NSD2: variants seen among roughly 807,000 people sequenced by gnomAD.
NSD2 encodes the protein nuclear receptor binding SET domain protein 2.
A neutral mutation model predicts 139.0 loss-of-function variants in NSD2; 12 were observed. The observed-to-expected ratio is 0.09, with a 90% CI of 0.06 to 0.14. The LOEUF (loss-of-function observed/expected upper bound fraction) is 0.14. Among genes scored for constraint, NSD2 ranks in the 10% least tolerant of loss-of-function variants. The probability of loss-of-function intolerance (pLI) is 1.00; values close to 1 mark genes in which losing one functional copy is unlikely to be tolerated. For synonymous variants in NSD2, 669 were observed against 648.7 expected (o/e 1.03, Z -0.48); for missense variants, 1,155 against 1,745.0 (o/e 0.66, Z 6.02).
chr4:1,966,876 G>A (rs796387210), intron 18 of NSD2, among the ~76,000 whole-genome samples: 7 of 152,172 alleles, frequency 4.6e-5, no homozygotes, highest in African/African-American at 1.2e-4. Context: ...GATGGGGACA[G>A]AGCTGTAAAG....
chr4:1,960,786 G>C (rs1221324186), intron 17 of NSD2, among the ~76,000 whole-genome samples: 1 of 152,252 alleles, frequency 6.6e-6, no homozygotes, highest in Non-Finnish European at 1.5e-5. Flanking sequence ...ACAAGGTCGT[G>C]TAGGAAGCAA....
chr4:1,937,373 C>T (rs28530624), intron 7 of NSD2, among the ~76,000 whole-genome samples: 14,184 of 152,020 alleles, frequency 0.093, 2,063 homozygotes, highest in African/African-American at 0.31. Context: ...TCTATTAAAG[C>T]AGCCCTTTGC....
chr4:1,919,315 A>G (rs903571391), intron 5 of NSD2: 1 of 152,172 alleles, frequency 6.6e-6, no homozygotes, highest in African/African-American at 2.4e-5. Context: ...AGTGCAGGAT[A>G]TGCTCATCTG....
At chr4:1,923,919 C>A (rs1455222868) in intron 5 of NSD2, among the ~76,000 whole-genome samples, 1 of 152,096 alleles carries the variant, frequency 6.6e-6, no homozygotes, top group Non-Finnish European at 1.5e-5. Context: ...GGCCACATAC[C>A]CACAACTGAG....
chr4:1,954,144 C>T (rs184266972), intron 12 of NSD2, among the ~76,000 whole-genome samples: 18 of 152,226 alleles, frequency 1.2e-4, no homozygotes, highest in Admixed American at 1.3e-4. Flanking sequence ...GCCACCATAC[C>T]TACCTAATTT....
At chr4:1,946,062 C>T in intron 9 of NSD2, 3 of 1,032,652 alleles carry the variant, frequency 2.9e-6, no homozygotes, top group South Asian at 9.2e-5. Flanking sequence ...AGATTCATCA[C>T]CTTAGTTTTT....
chr4:1,954,639 G>C (rs1168507882), intron 12 of NSD2: 1 of 153,036 alleles, frequency 6.5e-6, no homozygotes, highest in Non-Finnish European at 1.5e-5. Flanking sequence ...ACAGGCATGA[G>C]CCACCACACC....
At chr4:1,898,393 G>C (rs953973249) in intron 1 of NSD2, among the ~76,000 whole-genome samples, 1 of 152,160 alleles carries the variant, frequency 6.6e-6, no homozygotes, top group Non-Finnish European at 1.5e-5. Context: ...GGCCAGGTGC[G>C]GTGGCTCACG....
intron 9 of NSD2, chr4:1,940,895 A>T: frequency 1.9e-6 from 2 of 1,057,408 alleles, no homozygotes; most frequent in Non-Finnish European, 2.3e-6. Flanking sequence ...TGCCACTCTG[A>T]ATCCTCAGCG....
rs764735851 is a variant in NSD2 at position 1,904,279 on chromosome 4, A to C, written c.661A>C (p.Asn221His). 2 of 1,614,180 alleles carry C rather than the reference A, an allele frequency of 1.2e-6. No individual in the cohort carries two copies. The highest frequency in any genetic ancestry group is 1.7e-6 in the Non-Finnish European group (2 of 1,180,016). Residue 221 changes from asparagine to histidine, a missense_variant, in exon 3 of 22, where the codon AAC becomes CAC. Physicochemically the swap from Asn to His is moderately conservative, Grantham distance 68. Coordinates refer to ENST00000508803, the MANE Select transcript of NSD2 (RefSeq NM_001042424.3). ...AGACAAAGACCACCTGTTGAAATAC[A>C]ACGTTGGTGATTTGGTGTGGTCCAA... ...GRDKDHLLKY[N>H]VGDLVWSKVS...
intron 6 of NSD2, among the ~76,000 whole-genome samples, chr4:1,933,365 C>A (rs527915149): frequency 1.3e-5 from 2 of 152,334 alleles, no homozygotes; most frequent in African/African-American, 4.8e-5. Flanking sequence ...CAGCGTCCTT[C>A]AGGGCAACAG....
At chr4:1,975,220 C>T in intron 19 of NSD2, 74 bp from the exon 20 acceptor site, 1 of 1,483,750 alleles carries the variant, frequency 6.7e-7, no homozygotes, top group Non-Finnish European at 9.4e-7. Context: ...TTTTGTTGAC[C>T]TAATACACGC....
At chr4:1,927,566 A>G (rs1220558584) in intron 5 of NSD2, among the ~76,000 whole-genome samples, 1 of 151,754 alleles carries the variant, frequency 6.6e-6, no homozygotes, top group Non-Finnish European at 1.5e-5. Context: ...TAAAAATACA[A>G]AAAGTAGCCA....
At position 1,903,807 on chromosome 4, in the gene NSD2, T is replaced by C. The variant is rs377493814; in HGVS notation, c.598-409T>C. ...TGGAGTGCAGTGGCGTGATCTCGGC[T>C]CACTGCAAGCTCCGCCTCCCGGGTT... On this transcript the variant is annotated intron_variant, in intron 2 of 21. Transcript: ENST00000508803. Among the ~76,000 whole-genome samples the C allele has an allele frequency of 1.1e-4, 17 of 150,438 alleles. No homozygotes were observed. In the East Asian group the frequency reaches 2.2e-3, roughly 19 times the overall value.
chr4:1,946,642 C>A (rs1259686981), intron 9 of NSD2: 15 of 1,034,356 alleles, frequency 1.5e-5, no homozygotes, highest in Non-Finnish European at 1.4e-5. Context: ...TGGTTTTGAT[C>A]CCTTTGGGTA....
chr4:1,957,450 A>AT (rs57804419), intron 15 of NSD2, among the ~76,000 whole-genome samples: 6,763 of 135,580 alleles, frequency 0.05, 315 homozygotes, highest in African/African-American at 0.12. Context: ...TGCCTGGCTA[A>AT]TTTTTTTTTT....
chr4:1,952,343 C>G (rs1724359449), intron 11 of NSD2, 112 bp downstream of exon 11: 1 of 1,482,626 alleles, frequency 6.7e-7, no homozygotes. Flanking sequence ...CCCTCCCCAC[C>G]CCCACCGCCT....
At position 1,927,460 on chromosome 4, in the gene NSD2, G is replaced by T. The variant is rs570346572; in HGVS notation, c.1411-3166G>T. Among the ~76,000 whole-genome samples, 72 of 152,170 alleles carry T rather than the reference G, an allele frequency of 4.7e-4. 1 individual carries two copies. The highest frequency in any genetic ancestry group is 1.7e-3 in the African/African-American group (70 of 41,532). On this transcript the variant is annotated intron_variant, in intron 5 of 21. Coordinates refer to ENST00000508803, the MANE Select transcript of NSD2 (RefSeq NM_001042424.3). ...GAGCACAGTGCAGTGCCTCATGCCT[G>T]TAATCCCAGCACTTTGGGAGGCCAT... is the stretch of plus-strand genomic sequence containing the variant.
At chr4:1,929,008 G>T (rs1266072385) in intron 5 of NSD2, among the ~76,000 whole-genome samples, 2 of 152,088 alleles carry the variant, frequency 1.3e-5, no homozygotes, top group Non-Finnish European at 2.9e-5. Flanking sequence ...AGGGAACACT[G>T]GTGGAGTGCT....
Sources: allele counts gnomAD v4.1 joint callset (sites outside exome capture counted in the v4.1 genomes callset), GRCh38; gene constraint gnomAD v4.1.1; transcripts MANE v1.5; gene names NCBI Gene and HGNC (gene_info 2026-07-23, HGNC 2026-07-21).